Variants in HDAC9 observed in about 807,000 individuals in gnomAD.
HDAC9 encodes MEF-2 interacting transcription repressor (MITR) protein.
HDAC9 carries 41 observed loss-of-function variants against 139.4 expected under a neutral mutation model. The observed-to-expected ratio is 0.29, with a 90% CI of 0.23 to 0.38. The LOEUF (loss-of-function observed/expected upper bound fraction) is 0.38. Ranked by LOEUF, HDAC9 falls within the 10% of genes least tolerant of loss-of-function variation. HDAC9 has a pLI of 1.00. For missense variants in HDAC9, 1,147 were observed against 1,297.0 expected, an observed-to-expected ratio of 0.88 and a Z score of 1.78; for synonymous variants, 517 against 476.2, an observed-to-expected ratio of 1.09 and a Z score of -1.12.
chr7:18,503,450 C>T (rs546724915), intron 2 of HDAC9, among the ~76,000 whole-genome samples: 12 of 152,226 alleles, frequency 7.9e-5, no homozygotes, highest in African/African-American at 2.6e-4. Flanking sequence ...TATCAGAGAA[C>T]GTTATGTTTA....
intron 7 of HDAC9, among the ~76,000 whole-genome samples, chr7:18,634,292 G>A (rs970186819): frequency 3.3e-5 from 5 of 150,234 alleles, no homozygotes; most frequent in African/African-American, 1.2e-4. Flanking sequence ...GTTATTTTCT[G>A]TAATAGCATA....
chr7:18,993,533 G>GGCGT (rs936924903), intron 25 of HDAC9, among the ~76,000 whole-genome samples: 1 of 152,158 alleles, frequency 6.6e-6, no homozygotes, highest in Non-Finnish European at 1.5e-5. Context: ...TAGACATGGT[G>GGCGT]GCGTACCCCT....
At chr7:18,366,745 C>A (rs1412536938) in intron 1 of HDAC9, among the ~76,000 whole-genome samples, 2 of 152,064 alleles carry the variant, frequency 1.3e-5, no homozygotes, top group African/African-American at 2.4e-5. Flanking sequence ...AACTTGGTTT[C>A]TAAAAGAAAT....
intron 8 of HDAC9, among the ~76,000 whole-genome samples, chr7:18,636,356 C>G (rs977623411): frequency 3.4e-4 from 51 of 152,056 alleles, no homozygotes; most frequent in African/African-American, 1.2e-3. Context: ...TCTCAGATGT[C>G]GTAACCACAA....
intron 2 of HDAC9, among the ~76,000 whole-genome samples, chr7:18,283,409 A>C (rs549080848): frequency 3.9e-5 from 6 of 152,258 alleles, no homozygotes; most frequent in African/African-American, 1.4e-4. Flanking sequence ...TTGAGATGAG[A>C]TTTAGGTGGG....
At chr7:18,340,068 CT>C (rs1039124880) in intron 1 of HDAC9, among the ~76,000 whole-genome samples, 2 of 151,334 alleles carry the variant, frequency 1.3e-5, no homozygotes, top group African/African-American at 4.8e-5. Context: ...TGTTTGGAAC[CT>C]TTTTTATTAG....
intron 2 of HDAC9, among the ~76,000 whole-genome samples, chr7:18,240,490 A>G (rs1031613405): frequency 2.6e-5 from 4 of 152,140 alleles, no homozygotes; most frequent in African/African-American, 2.4e-5. Context: ...ATTTTATTCT[A>G]TTTTCCAAAC....
chr7:18,706,226 C>G lies in HDAC9; in HGVS notation c.1732-21354C>G, dbSNP rs1011844427. Among the ~76,000 whole-genome samples, 5 of 132,536 alleles carry G rather than the reference C, an allele frequency of 3.8e-5. No homozygotes were observed. In the South Asian group the frequency reaches 7.8e-4, roughly 21 times the overall value. The allele number at this position is 132,536 out of a possible 152,430, so 86.9% of individuals were successfully genotyped here. ...GCCGCAATAAATTTCCACAGCAAACCTAAACATTTCATTTGCGTAATTAAG... is the reference window on the plus strand; with the variant it reads ...GCCGCAATAAATTTCCACAGCAAACGTAAACATTTCATTTGCGTAATTAAG... On this transcript the variant is annotated intron_variant, in intron 12 of 25. Transcript: ENST00000686413.
Position 18,768,235 on chromosome 7 carries a change from T to C in HDAC9, c.2214+1080T>C, listed in dbSNP as rs1182053734. 2.6e-5 allele frequency among the ~76,000 whole-genome samples: 4 copies of C among 152,170 alleles called. No homozygotes were observed. The East Asian group carries it at 7.7e-4, about 29-fold the overall frequency. On this transcript the variant is annotated intron_variant, in intron 16 of 25. Transcript: ENST00000686413. ...GCTGGGAGAAGCTAAGTTATTTTCC[T>C]GAAGTCACACAGTAAAGGATAAAAA...
At chr7:18,620,177 GC>G (rs1839829280) in intron 6 of HDAC9, among the ~76,000 whole-genome samples, 1 of 152,010 alleles carries the variant, frequency 6.6e-6, no homozygotes, top group African/African-American at 2.4e-5. Flanking sequence ...TGAAAATATG[GC>G]TACACATGCT....
At chr7:18,317,093 CAAAA>C (rs1252045197) in intron 1 of HDAC9, among the ~76,000 whole-genome samples, 15 of 107,058 alleles carry the variant, frequency 1.4e-4, no homozygotes, top group Non-Finnish European at 2.2e-4. Flanking sequence ...GACTCTGTCT[CAAAA>C]TAAATAAATA....
chr7:18,977,276 G>A (rs939589333), intron 25 of HDAC9, among the ~76,000 whole-genome samples: 31 of 152,170 alleles, frequency 2.0e-4, no homozygotes, highest in South Asian at 8.3e-4. Flanking sequence ...CAATTATTCC[G>A]AAGGCCAAAA....
rs1792804055 is a variant in HDAC9, at chr7:18,222,929, T to TC, written c.25+60581dup. Among the ~76,000 whole-genome samples, 3 of 152,186 alleles carry TC rather than the reference T, an allele frequency of 2.0e-5. No individual in the cohort carries two copies. The South Asian group carries it at 6.2e-4, about 31-fold the overall frequency. On this transcript the variant is annotated intron_variant, in intron 2 of 12. Transcript: ENST00000417496. ...GGAAAGGTAATGCATATTTTAAACT[T>TC]CAATATATGTTCATAAACTGCTCTC...
At chr7:18,231,044 G>A (rs302157) in intron 2 of HDAC9, among the ~76,000 whole-genome samples, 5,767 of 152,284 alleles carry the variant, frequency 0.038, 143 homozygotes, top group African/African-American at 0.06. Flanking sequence ...GGAATGGAAA[G>A]CCCACTGGGG....
At chr7:18,905,627 A>C (rs1222568406) in intron 22 of HDAC9, among the ~76,000 whole-genome samples, 1 of 152,204 alleles carries the variant, frequency 6.6e-6, no homozygotes, top group Admixed American at 6.5e-5. Flanking sequence ...GTTTTCATGA[A>C]GAAACAAACC....
chr7:18,503,114 T>A (rs901378235), intron 2 of HDAC9, among the ~76,000 whole-genome samples: 2 of 152,182 alleles, frequency 1.3e-5, no homozygotes, highest in Non-Finnish European at 1.5e-5. Flanking sequence ...AAATAAAAGC[T>A]CATGCAAATG....
At chr7:18,100,521 C>T (rs894840037) in intron 1 of HDAC9, among the ~76,000 whole-genome samples, 1 of 151,858 alleles carries the variant, frequency 6.6e-6, no homozygotes, top group Non-Finnish European at 1.5e-5. Flanking sequence ...GTTTCTATTG[C>T]TGTGTCTTCA....
intron 12 of HDAC9, among the ~76,000 whole-genome samples, chr7:18,698,567 A>G (rs1382377642): frequency 1.3e-5 from 2 of 152,216 alleles, no homozygotes; most frequent in African/African-American, 4.8e-5. Context: ...TGGAGCTCTC[A>G]GTCTAAATGG....
In HDAC9 at chr7:18,739,303, G is replaced by A. The variant is rs141409141; in HGVS notation, c.1910-9702G>A. Among the ~76,000 whole-genome samples the A allele has an allele frequency of 4.7e-3, 710 of 152,276 alleles. 5 individuals are homozygous for A. The highest frequency in any genetic ancestry group is 8.4e-3 in the Non-Finnish European group (574 of 68,022). ...ATTCTCCATCCAGCCTTGTTCCATT[G>A]CTGGCAAGGGGCTGAAATGCTTTGC... On this transcript the variant is annotated intron_variant, in intron 13 of 25. Coordinates refer to ENST00000686413, the MANE Select transcript of HDAC9 (RefSeq NM_178425.4).
Sources: gnomAD v4.1 joint callset for allele counts (sites outside exome capture counted in the v4.1 genomes callset) on GRCh38, gnomAD v4.1.1 for gene constraint, MANE v1.5 for transcripts, NCBI Gene and HGNC (gene_info 2026-07-23, HGNC 2026-07-21) for gene names.